USP22: variants seen among roughly 807,000 people sequenced by gnomAD.
USP22 encodes the protein ubiquitin specific peptidase 22.
A neutral mutation model predicts 68.1 loss-of-function variants in USP22; 22 were observed. The ratio of observed to expected loss-of-function variants is 0.32; its 90% CI spans 0.23 to 0.46. The LOEUF (loss-of-function observed/expected upper bound fraction) is 0.46, where lower values mean the gene tolerates loss of function less well. Among genes scored for constraint, USP22 ranks in the 20% least tolerant of loss-of-function variants. USP22 has a pLI of 1.00. For missense variants in USP22, 433 were observed against 695.8 expected (o/e 0.62, Z 4.25); for synonymous variants, 279 against 274.2 (o/e 1.02, Z -0.17).
At chr17:21,017,587 C>T (rs1972104377) in intron 5 of USP22, among the ~76,000 whole-genome samples, 1 of 152,158 alleles carries the variant, frequency 6.6e-6, no homozygotes, top group Admixed American at 6.5e-5. Flanking sequence ...CAGGAGGACA[C>T]AGGAGGGTGA....
chr17:21,026,722 T>C (rs898457157), intron 2 of USP22, among the ~76,000 whole-genome samples: 2 of 151,610 alleles, frequency 1.3e-5, no homozygotes, highest in Non-Finnish European at 2.9e-5. Flanking sequence ...CCCAGCACTT[T>C]GGGAGGCCAC....
At position 21,005,063 on chromosome 17, in the gene USP22, C is replaced by T. The variant is rs1913738098; in HGVS notation, c.1323-73G>A. ...CAGAGACACAAGGCTCTCGTGAAACCAACACTTATCCAAGCTTGACCATGC... is the reference window on the plus strand; with the variant it reads ...CAGAGACACAAGGCTCTCGTGAAACTAACACTTATCCAAGCTTGACCATGC... On this transcript the variant is annotated intron_variant, in intron 10 of 12. Coordinates refer to ENST00000261497, the MANE Select transcript of USP22 (RefSeq NM_015276.2). The T allele has an allele frequency of 2.0e-6, 3 of 1,531,694 alleles. No individual in the cohort carries two copies. In the African/African-American group the frequency reaches 4.1e-5, roughly 21 times the overall value. The allele number at this position is 1,531,694 out of a possible 1,614,324, so 94.9% of individuals were successfully genotyped here.
intron 2 of USP22, among the ~76,000 whole-genome samples, chr17:21,021,543 G>A (rs2143586488): frequency 6.6e-6 from 1 of 152,280 alleles, no homozygotes; most frequent in East Asian, 1.9e-4. Flanking sequence ...TTTAAAACTG[G>A]TACAACTGCA....
In USP22 at chr17:21,012,916, C is replaced by A. The variant is rs563285879; in HGVS notation, c.858G>T (p.Lys286Asn). Residue 286 changes from lysine (K) to asparagine (N), a missense_variant, in exon 7 of 13, where the codon AAG becomes AAT. Lys to Asn is a moderately conservative substitution (Grantham distance 94, BLOSUM62 0). Transcript: ENST00000261497. The part of the protein sequence containing the change: ...RHCKGDDNGK[K>N]ANNPNHCNCI... ...AGTTGCAGTGGTTGGGGTTGTTGGC[C>A]TTCTTCCCATTGTCATCACCTGGAG... 1 of 1,613,980 alleles carries A rather than the reference C, an allele frequency of 6.2e-7. No homozygotes were observed. Among genetic ancestry groups the A allele is most frequent in the South Asian group, 1.1e-5 (1 of 91,070 alleles).
intron 9 of USP22, among the ~76,000 whole-genome samples, chr17:21,007,598 T>C (rs890304997): frequency 6.6e-6 from 1 of 152,138 alleles, no homozygotes; most frequent in Non-Finnish European, 1.5e-5. Context: ...GGAGGAATGG[T>C]AGAAGTAATA....
At chr17:21,035,594 AACAAGTC>A (rs1167914350) in intron 1 of USP22, among the ~76,000 whole-genome samples, 1 of 152,220 alleles carries the variant, frequency 6.6e-6, no homozygotes, top group Non-Finnish European at 1.5e-5. Context: ...TAGGGAAGTC[AACAAGTC>A]ACAAGGCCCA....
chr17:21,004,951 C>T lies in USP22; in HGVS notation c.1362G>A (p.Thr454=), dbSNP rs1288810684. The T allele has an allele frequency of 1.2e-5, 19 of 1,614,080 alleles. No homozygotes were observed. Among genetic ancestry groups the T allele is most frequent in the African/African-American group, 5.3e-5 (4 of 74,942 alleles). Residue 454 remains threonine, a synonymous_variant, in exon 11 of 13, where the codon ACG becomes ACA. Coordinates refer to ENST00000261497, the MANE Select transcript of USP22 (RefSeq NM_015276.2). ...SRMNGQYQQP[T]DSLNNDNKYS... ...ACTTGTTGTCATTGTTGAGACTGTC[C>T]GTGGGCTGCTGGTACTGTCCATTCA...
intron 2 of USP22, 103 bp downstream of exon 2, chr17:21,028,439 A>G: frequency 6.5e-7 from 1 of 1,536,634 alleles, no homozygotes; most frequent in Non-Finnish European, 8.8e-7. Flanking sequence ...CTTGAGACAA[A>G]CGACAAAGTG....
At position 21,001,824 on chromosome 17, in the gene USP22, C is replaced by T. The variant is rs1017219307; in HGVS notation, c.*1207G>A. 2 of 152,256 alleles carry T rather than the reference C, an allele frequency of 1.3e-5. No individual in the cohort carries two copies. Among genetic ancestry groups the T allele is most frequent in the Non-Finnish European group, 2.9e-5 (2 of 68,044 alleles). The allele number at this position is 152,256 out of a possible 1,614,324, so 9.4% of individuals were successfully genotyped here. A position where few individuals can be genotyped will look rare whatever the true frequency, so the allele number is the denominator to read the frequency against. ...CCATCTCTGTTTGAATTTGAATACA[C>T]AGATACATGCAAGATATCTTACAAG... On this transcript the variant is annotated 3_prime_UTR_variant, in exon 13 of 13. Coordinates refer to ENST00000261497, the MANE Select transcript of USP22 (RefSeq NM_015276.2).
chr17:21,000,509 A>G lies in USP22; in HGVS notation c.*2522T>C, dbSNP rs1426283660. ...TCCATGTGACTCCATCTCTCTTCCC[A>G]GTTCTAATGTTCTCAGAACAGCAGC... is the stretch of plus-strand genomic sequence containing the variant. On this transcript the variant is annotated 3_prime_UTR_variant, in exon 13 of 13. Transcript: ENST00000261497. 6.6e-6 allele frequency: 1 copy of G among 152,272 alleles called. No individual in the cohort carries two copies. The highest frequency in any genetic ancestry group is 1.9e-4 in the East Asian group (1 of 5,192). 9.4% of individuals were successfully genotyped at this position (152,272 alleles called of 1,614,324 possible).
intron 6 of USP22, among the ~76,000 whole-genome samples, chr17:21,014,481 TAGGTAAGAATTAAA>T (rs1914070377): frequency 6.6e-6 from 1 of 152,188 alleles, no homozygotes; most frequent in South Asian, 2.1e-4. Context: ...CTTTGATTTC[TAGGTAAGAATTAAA>T]AGGATCACGT....
intron 8 of USP22, among the ~76,000 whole-genome samples, chr17:21,008,492 G>A (rs1413056091): frequency 6.6e-6 from 1 of 152,158 alleles, no homozygotes; most frequent in Non-Finnish European, 1.5e-5. Context: ...AGAGAATTAG[G>A]ATGTGCAAGA....
At chr17:21,005,638 T>G (rs1248197933) in intron 10 of USP22, among the ~76,000 whole-genome samples, 1 of 152,196 alleles carries the variant, frequency 6.6e-6, no homozygotes, top group Non-Finnish European at 1.5e-5. Context: ...TCTTGTTTTA[T>G]TCAGGAGGTC....
At position 21,015,691 on chromosome 17, in the gene USP22, C is replaced by T; in HGVS notation, c.838+61G>A. On this transcript the variant is annotated intron_variant, in intron 6 of 12. Transcript: ENST00000261497. ...TGCACGAGTGCATACACTCGCTTTG[C>T]TTCCTTCCCCTTCAAGGAAAACATC... The T allele has an allele frequency of 9.1e-6, 14 of 1,540,656 alleles. 1 individual carries two copies. The South Asian group carries it at 1.7e-4, about 19-fold the overall frequency.
chr17:21,005,941 G>A (rs1444371875), intron 10 of USP22, among the ~76,000 whole-genome samples: 1 of 152,188 alleles, frequency 6.6e-6, no homozygotes, highest in Admixed American at 6.5e-5. Flanking sequence ...GAAGCAGAGG[G>A]AACTGGACAC....
Position 21,002,696 on chromosome 17 carries a change from C to A in USP22, c.*335G>T, listed in dbSNP as rs376258836. On this transcript the variant is annotated 3_prime_UTR_variant, in exon 13 of 13. Transcript: ENST00000261497. ...CCTTTCCACACCGAGTGCTGGGGAA[C>A]GCCAGGCAGCGGTCACTCTGTGCTG... The A allele has an allele frequency of 1.2e-5, 4 of 320,330 alleles. No homozygotes were observed. In the East Asian group the frequency reaches 3.1e-4, roughly 25 times the overall value. The allele number at this position is 320,330 out of a possible 1,614,324, so 19.8% of individuals were successfully genotyped here.
Position 21,000,313 on chromosome 17 carries a change from G to C in USP22, c.*2718C>G, listed in dbSNP as rs1033956181. On this transcript the variant is annotated 3_prime_UTR_variant, in exon 13 of 13. Transcript: ENST00000261497. ...TTGTTCTGACAAAGTAAATTCACAA[G>C]AACACATCAAACACAAGACCTAATG... is the stretch of plus-strand genomic sequence containing the variant. 4 of 152,184 alleles carry C rather than the reference G, an allele frequency of 2.6e-5. No individual in the cohort carries two copies. Among genetic ancestry groups the C allele is most frequent in the African/African-American group, 7.2e-5 (3 of 41,438 alleles). 9.4% of individuals were successfully genotyped at this position (152,184 alleles called of 1,614,324 possible). A position where few individuals can be genotyped will look rare whatever the true frequency, so the allele number is the denominator to read the frequency against.
At chr17:21,017,382 C>T (rs991018208) in intron 5 of USP22, among the ~76,000 whole-genome samples, 6 of 152,216 alleles carry the variant, frequency 3.9e-5, no homozygotes, top group East Asian at 1.9e-4. Flanking sequence ...GTCACGGAGC[C>T]GGTGAGGGCT....
At chr17:21,043,382 C>T (rs1426602544), upstream of USP22, 2 of 374,964 alleles carry the variant, frequency 5.3e-6, no homozygotes, top group South Asian at 7.8e-5. Flanking sequence ...CTCCCGGGAC[C>T]CTGGCGGCTA....
Sources: gnomAD v4.1 joint callset for allele counts (sites outside exome capture counted in the v4.1 genomes callset) on GRCh38, gnomAD v4.1.1 for gene constraint, MANE v1.5 for transcripts, NCBI Gene and HGNC (gene_info 2026-07-23, HGNC 2026-07-21) for gene names.